Variants in PPFIA2 observed in about 807,000 individuals in gnomAD.
PPFIA2 encodes the protein PPFI scaffold protein A2, also known as liprin-alpha-2.
PPFIA2 carries 46 observed loss-of-function variants against 175.5 expected under a neutral mutation model. That is an observed-to-expected ratio of 0.26 (90% confidence interval 0.21 to 0.34). The LOEUF (loss-of-function observed/expected upper bound fraction) is 0.34. PPFIA2 is among the 10% of genes least tolerant of loss of function. The pLI is 1.00. For synonymous variants in PPFIA2, 568 were observed against 511.4 expected, an observed-to-expected ratio of 1.11 and a Z score of -1.49; for missense variants, 1,179 against 1,506.1, an observed-to-expected ratio of 0.78 and a Z score of 3.60.
chr12:81,279,656 A>G (rs1234756962), intron 27 of PPFIA2, among the ~76,000 whole-genome samples: 2 of 152,174 alleles, frequency 1.3e-5, no homozygotes, highest in Non-Finnish European at 2.9e-5. Context: ...ACAAACAAAA[A>G]CCAAGTCATT....
intron 4 of PPFIA2, among the ~76,000 whole-genome samples, chr12:81,674,664 C>A (rs2072113436): frequency 6.6e-6 from 1 of 151,632 alleles, no homozygotes; most frequent in Non-Finnish European, 1.5e-5. Flanking sequence ...AAGACTCCGT[C>A]TCAAAAAAAT....
At chr12:81,275,466 G>A (rs1312543107) in intron 28 of PPFIA2, among the ~76,000 whole-genome samples, 2 of 151,998 alleles carry the variant, frequency 1.3e-5, no homozygotes, top group Non-Finnish European at 2.9e-5. Flanking sequence ...TTCTGACATT[G>A]TTTATCAAAA....
intron 23 of PPFIA2, among the ~76,000 whole-genome samples, chr12:81,297,362 G>C (rs900829195): frequency 6.6e-6 from 1 of 151,782 alleles, no homozygotes; most frequent in South Asian, 2.1e-4. Flanking sequence ...CATCCTTTTA[G>C]TTGAAAAATT....
chr12:81,347,460 A>G (rs2059267222), intron 18 of PPFIA2, 73 bp downstream of exon 18: 2 of 1,265,940 alleles, frequency 1.6e-6, no homozygotes, highest in African/African-American at 3.0e-5. Context: ...TAGAACAAAC[A>G]CCCAGTTAAG....
At chr12:81,721,434 C>T (rs1347162400) in intron 3 of PPFIA2, among the ~76,000 whole-genome samples, 2 of 150,014 alleles carry the variant, frequency 1.3e-5, no homozygotes, top group Non-Finnish European at 3.0e-5. Context: ...CCATTAACAC[C>T]TAATACACAC....
intron 4 of PPFIA2, among the ~76,000 whole-genome samples, chr12:81,599,030 C>A (rs1364787816): frequency 6.6e-6 from 1 of 151,840 alleles, no homozygotes; most frequent in Non-Finnish European, 1.5e-5. Flanking sequence ...TGAATGCAAA[C>A]ATGTAGGTTT....
At chr12:81,557,368 C>T (rs2069081586) in intron 4 of PPFIA2, among the ~76,000 whole-genome samples, 1 of 151,676 alleles carries the variant, frequency 6.6e-6, no homozygotes, top group Admixed American at 6.6e-5. Flanking sequence ...TTCCCAAATC[C>T]CAGTTTCTGA....
intron 4 of PPFIA2, among the ~76,000 whole-genome samples, chr12:81,604,574 C>T (rs994449510): frequency 6.8e-6 from 1 of 146,722 alleles, no homozygotes; most frequent in South Asian, 2.2e-4. Flanking sequence ...TTCAATTTAT[C>T]ATAAAACTAT....
intron 7 of PPFIA2, among the ~76,000 whole-genome samples, chr12:81,437,330 C>T (rs1051674626): frequency 5.3e-5 from 8 of 152,024 alleles, no homozygotes; most frequent in Admixed American, 1.3e-4. Context: ...CCAGGGTTCA[C>T]GCCATTCTCC....
intron 16 of PPFIA2, among the ~76,000 whole-genome samples, chr12:81,353,935 C>T (rs1366330491): frequency 3.9e-5 from 6 of 152,182 alleles, no homozygotes; most frequent in Admixed American, 3.3e-4. Context: ...TATTGGTTTC[C>T]CAATGAATAT....
intron 32 of PPFIA2, 67 bp downstream of exon 32, chr12:81,261,882 T>G: frequency 9.4e-7 from 1 of 1,062,932 alleles, no homozygotes. Context: ...TAGTGTATAT[T>G]TATTAGTCTA....
chr12:81,440,158 A>G, intron 6 of PPFIA2, 112 bp from the exon 7 acceptor site: 2 of 657,272 alleles, frequency 3.0e-6, no homozygotes, highest in Non-Finnish European at 4.9e-6. Context: ...TTATTAAAGT[A>G]TTTATATCCC....
intron 4 of PPFIA2, among the ~76,000 whole-genome samples, chr12:81,626,726 A>C (rs2062753931): frequency 6.6e-6 from 1 of 152,068 alleles, no homozygotes; most frequent in Non-Finnish European, 1.5e-5. Flanking sequence ...CTAGGAACAA[A>C]AGTTAAAGTA....
chr12:81,700,537 T>G (rs557648584), intron 3 of PPFIA2, among the ~76,000 whole-genome samples: 3 of 152,238 alleles, frequency 2.0e-5, no homozygotes, highest in Admixed American at 2.0e-4. Flanking sequence ...GTTTTTGTTT[T>G]GTTTTAACAA....
chr12:81,453,938 C>A (rs566007154), intron 5 of PPFIA2, among the ~76,000 whole-genome samples: 1 of 152,270 alleles, frequency 6.6e-6, no homozygotes, highest in South Asian at 2.1e-4. Context: ...TTTAAATAGG[C>A]CAGGAGCAGT....
At chr12:81,610,344 T>G (rs2060766222) in intron 4 of PPFIA2, among the ~76,000 whole-genome samples, 1 of 152,202 alleles carries the variant, frequency 6.6e-6, no homozygotes, top group African/African-American at 2.4e-5. Context: ...TTTTCCAAAT[T>G]GTTTATTTTC....
At chr12:81,670,697 T>C (rs1002575651) in intron 4 of PPFIA2, among the ~76,000 whole-genome samples, 1 of 151,950 alleles carries the variant, frequency 6.6e-6, no homozygotes, top group Non-Finnish European at 1.5e-5. Flanking sequence ...TGATTTTACC[T>C]AAATTACTCT....
At chr12:81,460,334 C>T (rs1200147415) in intron 4 of PPFIA2, among the ~76,000 whole-genome samples, 1 of 152,106 alleles carries the variant, frequency 6.6e-6, no homozygotes, top group East Asian at 1.9e-4. Flanking sequence ...TGCCTTTTAC[C>T]TTCCACCATG....
At chr12:81,618,286 C>T (rs951236193) in intron 4 of PPFIA2, among the ~76,000 whole-genome samples, 4 of 146,404 alleles carry the variant, frequency 2.7e-5, no homozygotes, top group African/African-American at 1.0e-4. Context: ...TGTGTGTATT[C>T]GATGAGGAAA....
Sources: allele counts gnomAD v4.1 joint callset (sites outside exome capture counted in the v4.1 genomes callset), GRCh38; gene constraint gnomAD v4.1.1; transcripts MANE v1.5; gene names NCBI Gene and HGNC (gene_info 2026-07-23, HGNC 2026-07-21).